The following PROSER2 variants were observed in gnomAD, a reference collection of about 807,000 sequenced individuals.
PROSER2 encodes proline and serine-rich protein 2.
A neutral mutation model predicts 14.6 loss-of-function variants in PROSER2; 18 were observed. That is an observed-to-expected ratio of 1.23 (90% confidence interval 0.85 to 1.83). PROSER2 has a LOEUF of 1.83. Among genes scored for constraint, PROSER2 ranks in the 40% most tolerant of loss-of-function variants. The pLI is 0.00. For missense variants in PROSER2, 823 were observed against 629.8 expected (o/e 1.31, Z -3.28); for synonymous variants, 367 against 286.4 (o/e 1.28, Z -2.84).
At chr10:11,826,879 C>CA (rs1833622449) in intron 1 of PROSER2, among the ~76,000 whole-genome samples, 1 of 105,198 alleles carries the variant, frequency 9.5e-6, no homozygotes, top group African/African-American at 3.3e-5. Flanking sequence ...TGCACCCGGC[C>CA]TTTTTTTTTT....
chr10:11,832,724 A>G (rs960051100), intron 1 of PROSER2, among the ~76,000 whole-genome samples: 1 of 152,156 alleles, frequency 6.6e-6, no homozygotes, highest in Non-Finnish European at 1.5e-5. Context: ...GTGGAGAGGG[A>G]GGGATAATAA....
chr10:11,864,841 G>A (rs1034200891), intron 2 of PROSER2, among the ~76,000 whole-genome samples: 9 of 151,970 alleles, frequency 5.9e-5, no homozygotes, highest in South Asian at 2.1e-4. Context: ...CACCCACCTC[G>A]GCCTCCCACA....
In PROSER2 at chr10:11,836,601, G is replaced by T. The variant is rs139763102; in HGVS notation, c.-82+13131G>T. 6.6e-6 allele frequency among the ~76,000 whole-genome samples: 1 copy of T among 152,122 alleles called. No individual in the cohort carries two copies. Among genetic ancestry groups the T allele is most frequent in the Admixed American group, 6.5e-5 (1 of 15,268 alleles). ...GTATGCACGCCGGCCCCTTCCTAGC[G>T]TGTAGGTGTGCACTTTGACCCTGCT... On this transcript the variant is annotated intron_variant, in intron 1 of 3. Coordinates refer to ENST00000277570, the MANE Select transcript of PROSER2 (RefSeq NM_153256.4). The surrounding 1 kb of genome is among the most constrained non-coding windows in gnomAD (Gnocchi z 4.6).
Position 11,869,410 on chromosome 10 carries a change from T to C in PROSER2, c.392-80T>C, listed in dbSNP as rs1271041355. On this transcript the variant is annotated intron_variant, in intron 3 of 3. Coordinates refer to ENST00000277570, the MANE Select transcript of PROSER2 (RefSeq NM_153256.4). This position sits in a 1 kb window ranked among gnomAD's most constrained non-coding sequence, Gnocchi z 4.4. ...GGTGTCAGGTCCAGGTTGAGGCTCT[T>C]TTCAGTTCAGCGAGAGGGAACTTCA... 2 of 1,107,304 alleles carry C rather than the reference T, an allele frequency of 1.8e-6. No homozygotes were observed. Among genetic ancestry groups the C allele is most frequent in the East Asian group, 2.4e-5 (1 of 42,224 alleles). 68.6% of individuals were successfully genotyped at this position (1,107,304 alleles called of 1,614,324 possible). A position where few individuals can be genotyped will look rare whatever the true frequency, so the allele number is the denominator to read the frequency against.
chr10:11,846,502 C>A (rs1833925549), intron 1 of PROSER2, among the ~76,000 whole-genome samples: 1 of 152,180 alleles, frequency 6.6e-6, no homozygotes, highest in Non-Finnish European at 1.5e-5. Context: ...ATTTGATCTT[C>A]TGTTTATGCC....
intron 1 of PROSER2, among the ~76,000 whole-genome samples, chr10:11,839,615 A>T (rs1241319066): frequency 6.6e-6 from 1 of 152,126 alleles, no homozygotes; most frequent in African/African-American, 2.4e-5. Context: ...TCATAAGGTC[A>T]GGAGTTCAAG....
chr10:11,855,331 G>A (rs1430698736), intron 2 of PROSER2, among the ~76,000 whole-genome samples: 1 of 151,700 alleles, frequency 6.6e-6, no homozygotes, highest in East Asian at 1.9e-4. Flanking sequence ...AAAATTAGCT[G>A]GGCGTGTTGG....
At position 11,842,931 on chromosome 10, in the gene PROSER2, C is replaced by CTTTTTTTTTTTTTTTTTTTTTTTTT. The variant is rs558283551; in HGVS notation, c.-81-9063_-81-9039dup. Among the ~76,000 whole-genome samples the CTTTTTTTTTTTTTTTTTTTTTTTTT allele has an allele frequency of 9.6e-4, 50 of 51,960 alleles. 13 individuals carry two copies. The highest frequency in any genetic ancestry group is 2.1e-3 in the East Asian group (4 of 1,902). 34.1% of individuals were successfully genotyped at this position (51,960 alleles called of 152,430 possible). On this transcript the variant is annotated intron_variant, in intron 1 of 3. Transcript: ENST00000277570. Reference sequence around the variant, plus strand: ...TTTTCTATACTATTTTGCCATTGTTCTTTTTTTTTTTTTTTTTTTTTTTTT... The same window carrying CTTTTTTTTTTTTTTTTTTTTTTTTT: ...TTTTCTATACTATTTTGCCATTGTTCTTTTTTTTTTTTTTTTTTTTTTTTTTTTTTTTTTTTTTTTTTTTTTTTTT...
chr10:11,827,631 A>G (rs1833633891), intron 1 of PROSER2, among the ~76,000 whole-genome samples: 1 of 151,462 alleles, frequency 6.6e-6, no homozygotes, highest in African/African-American at 2.4e-5. Context: ...TTGACCACGT[A>G]CAATGTGCCA....
chr10:11,840,955 AATATATATATATATATATATATAT>A (rs1305528836), intron 1 of PROSER2, among the ~76,000 whole-genome samples: 4 of 18,888 alleles, frequency 2.1e-4, no homozygotes, highest in South Asian at 5.4e-3. Flanking sequence ...AAAAAAAAAA[AATATATATATATATATATATATAT>A]ATATATATAT....
At position 11,870,407 on chromosome 10, in the gene PROSER2, G is replaced by A; in HGVS notation, c.*1G>A. On this transcript the variant is annotated 3_prime_UTR_variant, in exon 4 of 4. Transcript: ENST00000277570. ...GGGGCTGCTCAGGGAGAGTTCGTGA[G>A]GGCCGCGCGGGCTCCAGTCCACCCC... The A allele has an allele frequency of 6.7e-7, 1 of 1,485,468 alleles. No homozygotes were observed. Among genetic ancestry groups the A allele is most frequent in the Non-Finnish European group, 8.9e-7 (1 of 1,121,008 alleles). The allele number at this position is 1,485,468 out of a possible 1,614,324, so 92.0% of individuals were successfully genotyped here.
At chr10:11,826,069 CCTT>C (rs1191231742) in intron 1 of PROSER2, among the ~76,000 whole-genome samples, 1 of 152,082 alleles carries the variant, frequency 6.6e-6, no homozygotes, top group African/African-American at 2.4e-5. Flanking sequence ...CCACTGATCT[CCTT>C]CTGTCTCGGT....
In PROSER2 at chr10:11,851,992, TC is replaced by T; in HGVS notation, c.-81-4del. 1 of 1,456,186 alleles carries T rather than the reference TC, an allele frequency of 6.9e-7. No homozygotes were observed. Among genetic ancestry groups the T allele is most frequent in the Non-Finnish European group, 9.1e-7 (1 of 1,094,094 alleles). 90.2% of individuals were successfully genotyped at this position (1,456,186 alleles called of 1,614,324 possible). On this transcript the variant is annotated splice_polypyrimidine_tract_variant and splice_region_variant and intron_variant, in intron 1 of 3. Transcript: ENST00000277570. ...ACCATTGTCATTCGTGTTTGGTGTC[TC>T]TAGGAGTGAGCTGTTGCCGCAGAAT...
chr10:11,847,159 ATATATATATAT>A, intron 1 of PROSER2, among the ~76,000 whole-genome samples: 1 of 145,930 alleles, frequency 6.9e-6, no homozygotes, highest in Non-Finnish European at 1.5e-5. Flanking sequence ...AAATAAATAT[ATATATATATAT>A]ATATATATAT....
At chr10:11,850,381 C>T (rs1034219974) in intron 1 of PROSER2, 2 of 152,294 alleles carry the variant, frequency 1.3e-5, no homozygotes, top group African/African-American at 4.8e-5. Context: ...TTGAGCTGCT[C>T]CGTATACCCG....
At chr10:11,853,091 G>C (rs1834058670) in intron 2 of PROSER2, among the ~76,000 whole-genome samples, 1 of 152,128 alleles carries the variant, frequency 6.6e-6, no homozygotes, top group East Asian at 1.9e-4. Flanking sequence ...GGCCTCACTA[G>C]GAACCATTGG....
intron 1 of PROSER2, among the ~76,000 whole-genome samples, chr10:11,827,305 G>T (rs1328756176): frequency 1.3e-5 from 2 of 152,034 alleles, no homozygotes; most frequent in Non-Finnish European, 2.9e-5. Context: ...TCAGATGCTT[G>T]TTGGCCACAT....
chr10:11,826,834 C>T (rs1833621643), intron 1 of PROSER2, among the ~76,000 whole-genome samples: 1 of 151,488 alleles, frequency 6.6e-6, no homozygotes, highest in East Asian at 1.9e-4. Context: ...CCGGCTTCGG[C>T]CTCCCAAAGT....
intron 1 of PROSER2, among the ~76,000 whole-genome samples, chr10:11,835,221 C>T (rs907913261): frequency 5.3e-5 from 8 of 151,878 alleles, no homozygotes; most frequent in Admixed American, 1.3e-4. Flanking sequence ...AGGAAGAAAA[C>T]GCTCTAGGAG....
Sources: allele counts gnomAD v4.1 joint callset (sites outside exome capture counted in the v4.1 genomes callset), GRCh38; gene constraint gnomAD v4.1.1; non-coding constraint Gnocchi (gnomAD v3.1); transcripts MANE v1.5; gene names NCBI Gene and HGNC (gene_info 2026-07-23, HGNC 2026-07-21).